NDUFAF6: variants seen among roughly 807,000 people sequenced by gnomAD.
The protein encoded by NDUFAF6 is NADH:ubiquinone oxidoreductase complex assembly factor 6, also known as NADH dehydrogenase (ubiquinone) complex I, assembly factor 6.
NDUFAF6 carries 45 observed loss-of-function variants against 40.8 expected under a neutral mutation model. The observed-to-expected ratio is 1.10, with a 90% confidence interval of 0.87 to 1.42. NDUFAF6 has a LOEUF of 1.42. NDUFAF6 is among the 40% of genes most tolerant of loss of function. NDUFAF6 has a pLI of 0.00. For missense variants in NDUFAF6, 435 were observed against 418.5 expected (o/e 1.04, Z -0.34); for synonymous variants, 185 against 155.9 (o/e 1.19, Z -1.39).
In NDUFAF6 at chr8:94,967,454, G is replaced by A. The variant is rs577384239; in HGVS notation, c.-199+9275G>A. 2.0e-5 allele frequency among the ~76,000 whole-genome samples: 3 copies of A among 152,308 alleles called. No individual in the cohort carries two copies. The South Asian group carries it at 6.2e-4, about 32-fold the overall frequency. On this transcript the variant is annotated intron_variant, in intron 1 of 9. Transcript: ENST00000396111. ...TCCAAAATATTTCTGAGTACCTACT[G>A]TGTGCCAGGTTTTTTTCTAGGTGCC...
At chr8:95,116,131 C>G (rs550194813) in intron 5 of NDUFAF6, 8 of 159,466 alleles carry the variant, frequency 5.0e-5, no homozygotes, top group Admixed American at 1.3e-4. Flanking sequence ...GAGCGAAACT[C>G]CATCTCAAAA....
intron 2 of NDUFAF6, among the ~76,000 whole-genome samples, chr8:94,946,029 A>T (rs1014786709): frequency 1.3e-5 from 2 of 152,182 alleles, no homozygotes; most frequent in Non-Finnish European, 2.9e-5. Flanking sequence ...CATTATAAAA[A>T]GTCTAGAAAA....
chr8:95,061,016 A>G (rs1227166826), downstream of NDUFAF6, among the ~76,000 whole-genome samples: 4 of 152,156 alleles, frequency 2.6e-5, no homozygotes, highest in African/African-American at 9.7e-5. Context: ...GAATAGTGTC[A>G]GGAAGATTGG....
chr8:94,930,687 TAAC>T lies in NDUFAF6; in HGVS notation c.-935-14793_-935-14791del, dbSNP rs954403435. 3 of 1,614,102 alleles carry T rather than the reference TAAC, an allele frequency of 1.9e-6. No individual in the cohort carries two copies. In the African/African-American group the frequency reaches 4.0e-5, roughly 22 times the overall value. On this transcript the variant is annotated intron_variant, in intron 1 of 14. Coordinates refer to the NDUFAF6 transcript ENST00000396113. Reference sequence around the variant, plus strand: ...TGTATGAGCAGCAAGAGCTGCAACATAACAATGAATATGCTGCCCCATTTCATT... The same window carrying T: ...TGTATGAGCAGCAAGAGCTGCAACATAATGAATATGCTGCCCCATTTCATT...
intron 1 of NDUFAF6, among the ~76,000 whole-genome samples, chr8:95,025,844 G>A (rs10112230): frequency 0.15 from 22,217 of 152,198 alleles, 1,641 homozygotes; most frequent in Middle Eastern, 0.24. Flanking sequence ...GGAAGGCCTG[G>A]CACTTGGGTG....
In NDUFAF6 at chr8:94,978,273, G is replaced by A. The variant is rs142413687; in HGVS notation, c.-198-2586G>A. 2.6e-3 allele frequency among the ~76,000 whole-genome samples: 399 copies of A among 152,234 alleles called. 3 individuals are homozygous for A. The highest frequency in any genetic ancestry group is 9.3e-3 in the African/African-American group (386 of 41,510). ...TGATGAAGCCTCCATAAGACTACAA[G>A]GCTCATAGAGCTTCTAGGTTGGTGA... On this transcript the variant is annotated intron_variant, in intron 1 of 9. Transcript: ENST00000396111.
intron 1 of NDUFAF6, chr8:94,929,670 T>C (rs1216221960): frequency 6.6e-6 from 1 of 152,194 alleles, no homozygotes; most frequent in African/African-American, 2.4e-5. Flanking sequence ...GTGGACAGAA[T>C]TGGCGGGAAG....
intron 1 of NDUFAF6, chr8:94,929,413 G>T (rs1820177488): frequency 6.6e-6 from 1 of 150,668 alleles, no homozygotes; most frequent in African/African-American, 2.4e-5. Flanking sequence ...ACAATACAAG[G>T]CAATTAAAAA....
chr8:94,942,126 TC>T (rs977579879), intron 1 of NDUFAF6, among the ~76,000 whole-genome samples: 18 of 151,714 alleles, frequency 1.2e-4, no homozygotes, highest in African/African-American at 3.4e-4. Flanking sequence ...AAGCTCTGCC[TC>T]CCGGGTTCAC....
chr8:95,043,966 A>G (rs1341726232), intron 4 of NDUFAF6, among the ~76,000 whole-genome samples: 1 of 152,250 alleles, frequency 6.6e-6, no homozygotes, highest in East Asian at 1.9e-4. Context: ...TTATTCATGA[A>G]AGCCCGAAAG....
chr8:95,042,562 A>G (rs909946021), intron 4 of NDUFAF6, among the ~76,000 whole-genome samples: 3 of 152,224 alleles, frequency 2.0e-5, no homozygotes, highest in African/African-American at 7.2e-5. Context: ...AGAACTGTGA[A>G]CAAACATTGA....
At chr8:95,108,410 G>T (rs1161336816), downstream of NDUFAF6, among the ~76,000 whole-genome samples, 2 of 152,148 alleles carry the variant, frequency 1.3e-5, no homozygotes, top group Non-Finnish European at 2.9e-5. Flanking sequence ...GCCATATTAT[G>T]CATGAGCCTC....
In NDUFAF6 at chr8:94,981,037, A is replaced by G. The variant is rs182189066; in HGVS notation, c.-84+64A>G. 578 of 453,808 alleles carry G rather than the reference A, an allele frequency of 1.3e-3. 4 individuals are homozygous for G. The highest frequency in any genetic ancestry group is 1.0e-2 in the African/African-American group (501 of 50,156). The allele number at this position is 453,808 out of a possible 1,614,324, so 28.1% of individuals were successfully genotyped here. A position where few individuals can be genotyped will look rare whatever the true frequency, so the allele number is the denominator to read the frequency against. ...ACAAAGAGGCTCTTTCCCCCACCCC[A>G]GTATTACCATGGTTTTAATATGGTT... On this transcript the variant is annotated intron_variant, in intron 2 of 9. Transcript: ENST00000396111.
At chr8:94,935,142 TAG>T (rs1563725724) in intron 1 of NDUFAF6, among the ~76,000 whole-genome samples, 4 of 151,440 alleles carry the variant, frequency 2.6e-5, no homozygotes, top group Admixed American at 6.6e-5. Context: ...GATAGATAGA[TAG>T]ATAGATAGAT....
chr8:95,085,192 C>T (rs1211269184), intron 2 of NDUFAF6, among the ~76,000 whole-genome samples: 1 of 152,094 alleles, frequency 6.6e-6, no homozygotes, highest in Non-Finnish European at 1.5e-5. Context: ...GATCCAGGGT[C>T]GGTTTGTCCC....
intron 4 of NDUFAF6, among the ~76,000 whole-genome samples, chr8:95,041,933 G>A (rs1042725030): frequency 1.1e-4 from 16 of 151,980 alleles, no homozygotes; most frequent in African/African-American, 3.6e-4. Flanking sequence ...AGAGTATCTG[G>A]TGACATGTTA....
In NDUFAF6 at chr8:95,000,575, T is replaced by C. The variant is rs1826676450; in HGVS notation, c.-84+19602T>C. 1.4e-5 allele frequency among the ~76,000 whole-genome samples: 2 copies of C among 145,058 alleles called. 1 individual carries two copies. The highest frequency in any genetic ancestry group is 4.4e-4 in the South Asian group (2 of 4,558). ...AAAAATGCATATTTTAATCTAAAAG[T>C]AAAATATGCTTATTGTAAAAAAATT... is the stretch of plus-strand genomic sequence containing the variant. On this transcript the variant is annotated intron_variant, in intron 2 of 9. Coordinates refer to the NDUFAF6 transcript ENST00000396111.
intron 1 of NDUFAF6, among the ~76,000 whole-genome samples, chr8:94,967,723 T>G (rs554826589): frequency 6.6e-6 from 1 of 151,942 alleles, no homozygotes; most frequent in Non-Finnish European, 1.5e-5. Context: ...GGTGGATCAC[T>G]TGAGGTCAGA....
At chr8:95,032,178 T>A in intron 2 of NDUFAF6, 84 bp downstream of exon 2, 1 of 1,171,190 alleles carries the variant, frequency 8.5e-7, no homozygotes, top group Non-Finnish European at 1.3e-6. Context: ...AATATAGTTG[T>A]AATTTATATG....
Sources: gnomAD v4.1 joint callset for allele counts (sites outside exome capture counted in the v4.1 genomes callset) on GRCh38, gnomAD v4.1.1 for gene constraint, MANE v1.5 for transcripts, NCBI Gene and HGNC (gene_info 2026-07-23, HGNC 2026-07-21) for gene names.